ZNF514: variants seen among roughly 807,000 people sequenced by gnomAD.
The protein encoded by ZNF514 is zinc finger protein 514.
A neutral mutation model predicts 9.7 loss-of-function variants in ZNF514; 12 were observed. That is an observed-to-expected ratio of 1.24 (90% confidence interval 0.79 to 2.01). ZNF514 has a LOEUF of 2.01. Among genes scored for constraint, ZNF514 ranks in the 30% most tolerant of loss-of-function variants. The pLI, the probability that ZNF514 is intolerant of heterozygous loss-of-function variation, is 0.00. For missense variants in ZNF514, 467 were observed against 465.5 expected, an observed-to-expected ratio of 1.00 and a Z score of -0.03; for synonymous variants, 158 against 163.7, an observed-to-expected ratio of 0.97 and a Z score of 0.27.
rs1356502877 is a variant in ZNF514, at chr2:95,153,212, C to T, written c.42G>A (p.Glu14=). 2.5e-6 allele frequency: 4 copies of T among 1,613,982 alleles called. No individual in the cohort carries two copies. Among genetic ancestry groups the T allele is most frequent in the Admixed American group, 1.7e-5 (1 of 60,010 alleles). The change falls in exon 3 of 5, where the codon GAG becomes GAA. Residue 14 remains glutamate (E), a synonymous_variant. Transcript: ENST00000295208. ...TCTGAGCAGGGTTCAGCTGCCCCCA[C>T]TCCCACTGGCTGAATTCCACAGCCA... The part of the protein sequence containing the change: ...EDVAVEFSQW[E]WGQLNPAQKD...
At position 95,146,300 on chromosome 2, in the gene ZNF514, A is replaced by G. The variant is rs1325278477; in HGVS notation, c.*2982T>C. ...GATACGATTTACCACAAGTCTAGAT[A>G]TTGTCCATTTTTAAAAACTTACACA... On this transcript the variant is annotated 3_prime_UTR_variant, in exon 5 of 5. Transcript: ENST00000295208. Among the ~76,000 whole-genome samples, 2 of 152,102 alleles carry G rather than the reference A, an allele frequency of 1.3e-5. No individual in the cohort carries two copies.
Position 95,150,070 on chromosome 2 carries a change from T to C in ZNF514, c.415A>G (p.Thr139Ala), listed in dbSNP as rs144863238. The stretch of plus-strand genomic sequence containing the variant: ...AGGGTGGTGGCAGATTTGTGAATGG[T>C]TGACATTTGTTTCAGGTGTCTCTCC... Reference protein sequence around the residue: ...KQERHLKQMSTIHKSATTLSR... With the variant: ...KQERHLKQMSAIHKSATTLSR... Residue 139 changes from threonine to alanine, a missense_variant, in exon 5 of 5, where the codon ACC (threonine) becomes GCC (alanine). Coordinates refer to ENST00000295208, the MANE Select transcript of ZNF514 (RefSeq NM_032788.3). 82 of 1,614,016 alleles carry C rather than the reference T, an allele frequency of 5.1e-5. No homozygotes were observed. The highest frequency in any genetic ancestry group is 6.1e-5 in the Non-Finnish European group (72 of 1,180,016).
rs1386003741 is a variant in ZNF514 at position 95,150,027 on chromosome 2, C to T, written c.458G>A (p.Trp153Ter). The change falls in exon 5 of 5, where the codon TGG becomes TAG. Residue 153 changes from tryptophan (W) to a stop codon, truncating the protein, a stop_gained. Transcript: ENST00000295208. LOFTEE classifies it low-confidence loss of function (END_TRUNC). ...SATTLSRDYK[W>*]NGFGRSLGLR... ...ACCTAAGCTTCTCCCAAATCCATTC[C>T]ATTTATAATCTCTGCTAAGGGTGGT... The T allele has an allele frequency of 6.2e-7, 1 of 1,614,038 alleles. No homozygotes were observed. The highest frequency in any genetic ancestry group is 8.5e-7 in the Non-Finnish European group (1 of 1,180,038).
chr2:95,126,236 T>C, the ZNF514 span, among the ~76,000 whole-genome samples: 1 of 151,636 alleles, frequency 6.6e-6, no homozygotes, highest in Admixed American at 6.6e-5. Context: ...CCAGGTGTAG[T>C]GGCGCACACT....
the ZNF514 span, among the ~76,000 whole-genome samples, chr2:95,123,796 A>G: frequency 2.6e-5 from 4 of 152,234 alleles, no homozygotes; most frequent in Admixed American, 6.5e-5. Flanking sequence ...CTGCATGGTA[A>G]GTTGCTGGTC....
chr2:95,158,139 C>T (rs571745453), intron 1 of ZNF514, among the ~76,000 whole-genome samples: 31 of 151,794 alleles, frequency 2.0e-4, no homozygotes, highest in African/African-American at 7.0e-4. Flanking sequence ...TGTGTGGATC[C>T]CTGAGGATCT....
chr2:95,128,769 A>G, the ZNF514 span, among the ~76,000 whole-genome samples: 1 of 151,022 alleles, frequency 6.6e-6, no homozygotes, highest in Non-Finnish European at 1.5e-5. Context: ...GAAGAGGGAG[A>G]AAGAGAAGGA....
At chr2:95,126,705 G>T in the ZNF514 span, among the ~76,000 whole-genome samples, 1 of 152,058 alleles carries the variant, frequency 6.6e-6, no homozygotes, top group Non-Finnish European at 1.5e-5. Flanking sequence ...GGATTGTTTG[G>T]TTTCTTTCAC....
At chr2:95,150,392 G>A (rs62148049) in intron 4 of ZNF514, 125 bp from the exon 5 acceptor site, 28,555 of 1,099,562 alleles carry the variant, frequency 0.026, 473 homozygotes, top group Non-Finnish European at 0.03. Context: ...TAAAAGGGAC[G>A]TACAGATTTT....
At chr2:95,143,297 T>C (rs1558696986), downstream of ZNF514, among the ~76,000 whole-genome samples, 1 of 152,172 alleles carries the variant, frequency 6.6e-6, no homozygotes, top group Non-Finnish European at 1.5e-5. Context: ...CATTTTCATA[T>C]TGATTTGTTT....
Position 95,153,230 on chromosome 2 carries a change from C to T in ZNF514, c.24G>A (p.Val8=), listed in dbSNP as rs764704590. The change falls in exon 3 of 5, where the codon GTG becomes GTA. Residue 8 remains valine (V), a synonymous_variant. Transcript: ENST00000295208. The part of the protein sequence containing the change: MTFEDVA[V]EFSQWEWGQL... ...GCCCCCACTCCCACTGGCTGAATTCCACAGCCACATCTTCAAATGTCATCA... is the reference window on the plus strand; with the variant it reads ...GCCCCCACTCCCACTGGCTGAATTCTACAGCCACATCTTCAAATGTCATCA... 7.4e-6 allele frequency: 12 copies of T among 1,613,958 alleles called. No homozygotes were observed. In the South Asian group the frequency reaches 1.3e-4, roughly 18 times the overall value.
the ZNF514 span, among the ~76,000 whole-genome samples, chr2:95,128,582 A>C: frequency 6.6e-6 from 1 of 151,874 alleles, no homozygotes; most frequent in Middle Eastern, 3.4e-3. Context: ...AAGAAGGAAG[A>C]GGATGAGGAG....
Position 95,153,237 on chromosome 2 carries a change from AC to A in ZNF514, c.16del (p.Val6TrpfsTer13). The A allele has an allele frequency of 1.9e-6, 3 of 1,614,018 alleles. No homozygotes were observed. Among genetic ancestry groups the A allele is most frequent in the Non-Finnish European group, 2.5e-6 (3 of 1,179,918 alleles). On this transcript the variant is annotated frameshift_variant, in exon 3 of 5. Coordinates refer to ENST00000295208, the MANE Select transcript of ZNF514 (RefSeq NM_032788.3). LOFTEE classifies it high-confidence loss of function. ...CTCCCACTGGCTGAATTCCACAGCC[AC>A]ATCTTCAAATGTCATCAGGTCCTGA... MTFED[V>X]AVEFSQWEWG...
chr2:95,134,660 G>T, the ZNF514 span, among the ~76,000 whole-genome samples: 1 of 152,300 alleles, frequency 6.6e-6, no homozygotes, highest in Admixed American at 6.5e-5. Context: ...CTAGCTTAAA[G>T]AAACCACTAA....
chr2:95,158,314 T>A (rs1484798605), intron 1 of ZNF514, among the ~76,000 whole-genome samples: 1 of 152,206 alleles, frequency 6.6e-6, no homozygotes, highest in Non-Finnish European at 1.5e-5. Flanking sequence ...GCCCACGGAC[T>A]GGGCCCAGTT....
At chr2:95,137,181 C>T in the ZNF514 span, among the ~76,000 whole-genome samples, 14 of 152,264 alleles carry the variant, frequency 9.2e-5, no homozygotes, top group East Asian at 1.3e-3. Flanking sequence ...CTGATTACCA[C>T]GCCAAAGAAG....
chr2:95,138,889 G>A, the ZNF514 span, among the ~76,000 whole-genome samples: 2 of 152,220 alleles, frequency 1.3e-5, no homozygotes, highest in African/African-American at 4.8e-5. Context: ...AGGCCCTGAG[G>A]CCTAGGAGGA....
the ZNF514 span, among the ~76,000 whole-genome samples, chr2:95,134,134 ATT>A: frequency 2.0e-5 from 3 of 151,962 alleles, no homozygotes; most frequent in Non-Finnish European, 2.9e-5. Flanking sequence ...TCTTGGCCAA[ATT>A]TTTTTATTGG....
At chr2:95,157,910 G>A (rs1055788027) in intron 1 of ZNF514, among the ~76,000 whole-genome samples, 1 of 152,202 alleles carries the variant, frequency 6.6e-6, no homozygotes. Flanking sequence ...CCAGCTCAGA[G>A]GCCACCTCTT....
Sources: gnomAD v4.1 joint callset for allele counts (sites outside exome capture counted in the v4.1 genomes callset) on GRCh38, gnomAD v4.1.1 for gene constraint, MANE v1.5 for transcripts, NCBI Gene and HGNC (gene_info 2026-07-23, HGNC 2026-07-21) for gene names.